The following GLS variants were observed in gnomAD, a reference collection of about 807,000 sequenced individuals.
GLS encodes glutaminase, also known as glutaminase kidney isoform, mitochondrial.
In GLS, 36 loss-of-function variants were observed where a neutral mutation model predicts 86.7. That is an observed-to-expected ratio of 0.42 (90% CI 0.32 to 0.55). The LOEUF (loss-of-function observed/expected upper bound fraction) is 0.55, where lower values mean the gene tolerates loss of function less well. Among genes scored for constraint, GLS ranks in the 20% least tolerant of loss-of-function variants. The pLI, the probability that GLS is intolerant of heterozygous loss-of-function variation, is 0.17. For missense variants in GLS, 528 were observed against 833.4 expected (o/e 0.63, Z 4.51); for synonymous variants, 317 against 305.9 (o/e 1.04, Z -0.38).
chr2:190,931,439 T>G, intron 13 of GLS, 106 bp from the exon 14 acceptor site: 2 of 503,566 alleles, frequency 4.0e-6, no homozygotes, highest in Non-Finnish European at 3.6e-6. Flanking sequence ...TAGCATGTAG[T>G]GATGATTTCT....
chr2:190,945,841 A>T (rs2124938560), intron 14 of GLS, among the ~76,000 whole-genome samples: 1 of 152,236 alleles, frequency 6.6e-6, no homozygotes, highest in Middle Eastern at 3.4e-3. Context: ...TATTTGATTT[A>T]TTCCTCTCTA....
chr2:190,893,594 A>AT (rs952037214), intron 1 of GLS, among the ~76,000 whole-genome samples: 1 of 151,876 alleles, frequency 6.6e-6, no homozygotes, highest in African/African-American at 2.4e-5. Flanking sequence ...TCCCAAATGT[A>AT]TTTTTTTTGG....
chr2:190,927,688 A>G, intron 12 of GLS: 1 of 458,720 alleles, frequency 2.2e-6, no homozygotes, highest in Middle Eastern at 5.9e-4. Flanking sequence ...TTTGATTTAT[A>G]GAACCTCATC....
intron 7 of GLS, among the ~76,000 whole-genome samples, chr2:190,915,954 T>C (rs1406495271): frequency 1.3e-5 from 2 of 152,216 alleles, no homozygotes; most frequent in African/African-American, 4.8e-5. Flanking sequence ...TGTATGACTT[T>C]TGGCATGTAA....
In GLS at chr2:190,962,678, T is replaced by C. The variant is rs967462709; in HGVS notation, c.1854-152T>C. Reference sequence around the variant, plus strand: ...ACTACTTTTTGAATTATAAATCCCTTTCTGCATTTCTATTATTAATTTTTA... The same window carrying C: ...ACTACTTTTTGAATTATAAATCCCTCTCTGCATTTCTATTATTAATTTTTA... On this transcript the variant is annotated intron_variant, in intron 17 of 17. Transcript: ENST00000320717. The surrounding 1 kb of genome is among the most constrained non-coding windows in gnomAD (Gnocchi z 4.2). 1.2e-5 allele frequency: 5 copies of C among 427,016 alleles called. No homozygotes were observed. The highest frequency in any genetic ancestry group is 4.2e-5 in the Admixed American group (1 of 23,970). 26.5% of individuals were successfully genotyped at this position (427,016 alleles called of 1,614,324 possible).
In GLS at chr2:190,961,423, C is replaced by CA. The variant is rs538898201; in HGVS notation, c.1854-1407_1854-1406insA. On this transcript the variant is annotated intron_variant, in intron 17 of 17. Coordinates refer to ENST00000320717, the MANE Select transcript of GLS (RefSeq NM_014905.5). ...TGTTGGTCATTCTGGTCTTGAACTCCTGGCCTCAAGTGGTGCACCCACCTT... is the reference window on the plus strand; with the variant it reads ...TGTTGGTCATTCTGGTCTTGAACTCCATGGCCTCAAGTGGTGCACCCACCTT... 9.8e-5 allele frequency among the ~76,000 whole-genome samples: 15 copies of CA among 152,316 alleles called. No homozygotes were observed. In the East Asian group the frequency reaches 2.9e-3, roughly 29 times the overall value.
At chr2:190,888,074 T>A (rs1326056025) in intron 1 of GLS, among the ~76,000 whole-genome samples, 1 of 152,138 alleles carries the variant, frequency 6.6e-6, no homozygotes, top group Non-Finnish European at 1.5e-5. Context: ...TTCCCCCCCA[T>A]TATAAGTGGG....
At position 190,895,595 on chromosome 2, in the gene GLS, T is replaced by A. The variant is rs1688705484; in HGVS notation, c.484-9T>A. 2 of 1,581,162 alleles carry A rather than the reference T, an allele frequency of 1.3e-6. No homozygotes were observed. The highest frequency in any genetic ancestry group is 1.7e-6 in the Non-Finnish European group (2 of 1,156,630). On this transcript the variant is annotated splice_polypyrimidine_tract_variant and intron_variant, in intron 2 of 17. Transcript: ENST00000320717. This position sits in a 1 kb window ranked among gnomAD's most constrained non-coding sequence, Gnocchi z 4.2. The stretch of plus-strand genomic sequence containing the variant: ...ATATATTTACAAACTCTTATTTTTT[T>A]AAAAACAGGCACTCAAATCTACAGG...
chr2:190,899,394 CTG>C (rs892251431), intron 3 of GLS, among the ~76,000 whole-genome samples: 2 of 151,866 alleles, frequency 1.3e-5, no homozygotes, highest in Admixed American at 6.6e-5. Flanking sequence ...TATTTTTAAA[CTG>C]TTAATTTTAT....
Position 190,910,264 on chromosome 2 carries a change from T to G in GLS, c.981T>G (p.Asp327Glu). ...TGGTATTGCTTTTATATTTTACAGA[T>G]AAACCACATAATCCTATGGTAAATG... ...RFNKLFLNED[D>E]KPHNPMVNAG... The change falls in exon 7 of 18, where the codon GAT becomes GAG. Residue 327 changes from aspartate (D) to glutamate (E), a missense_variant and splice_region_variant. Asp to Glu is a conservative substitution (Grantham distance 45). Transcript: ENST00000320717. 6.7e-7 allele frequency: 1 copy of G among 1,499,192 alleles called. No individual in the cohort carries two copies. The allele number at this position is 1,499,192 out of a possible 1,614,324, so 92.9% of individuals were successfully genotyped here.
intron 3 of GLS, among the ~76,000 whole-genome samples, chr2:190,899,198 A>C (rs905155337): frequency 2.6e-5 from 4 of 152,260 alleles, no homozygotes; most frequent in African/African-American, 9.6e-5. Context: ...AAAAATATTA[A>C]AATAATGGTA....
At chr2:190,910,397 GATT>G in intron 7 of GLS, 76 bp downstream of exon 7, 1 of 701,838 alleles carries the variant, frequency 1.4e-6, no homozygotes, top group Non-Finnish European at 2.5e-6. Flanking sequence ...ATGAATCTGG[GATT>G]ATTTATGTAG....
At chr2:190,890,678 A>G (rs1209128062) in intron 1 of GLS, among the ~76,000 whole-genome samples, 2 of 152,204 alleles carry the variant, frequency 1.3e-5, no homozygotes, top group South Asian at 4.1e-4. Flanking sequence ...TCAGCTCACT[A>G]TAAATTCAAA....
At position 190,920,622 on chromosome 2, in the gene GLS, T is replaced by A. The variant is rs1482037377; in HGVS notation, c.1039-402T>A. On this transcript the variant is annotated intron_variant, in intron 7 of 17. Transcript: ENST00000320717. The surrounding 1 kb of genome is among the most constrained non-coding windows in gnomAD (Gnocchi z 4.2). Reference sequence around the variant, plus strand: ...ATAAGTAGATTGTTCTTAATTGAAATATTTTATATATACTTAATTCTTTTC... The same window carrying A: ...ATAAGTAGATTGTTCTTAATTGAAAAATTTTATATATACTTAATTCTTTTC... Among the ~76,000 whole-genome samples the A allele has an allele frequency of 6.6e-6, 1 of 151,818 alleles. No individual in the cohort carries two copies. The highest frequency in any genetic ancestry group is 6.6e-5 in the Admixed American group (1 of 15,228).
Position 190,901,977 on chromosome 2 carries a change from T to C in GLS, c.766T>C (p.Phe256Leu). The C allele has an allele frequency of 6.2e-7, 1 of 1,611,608 alleles. No individual in the cohort carries two copies. The highest frequency in any genetic ancestry group is 8.5e-7 in the Non-Finnish European group (1 of 1,177,824). ...AGATTATATTCCTCAACTGGCCAAATTCAGTCCCGATTTGTGGGGTGTGTC... is the reference window on the plus strand; with the variant it reads ...AGATTATATTCCTCAACTGGCCAAACTCAGTCCCGATTTGTGGGGTGTGTC... ...VADYIPQLAK[F>L]SPDLWGVSVC... is the part of the protein sequence containing the mutation. Residue 256 changes from phenylalanine (F) to leucine (L), a missense_variant, in exon 5 of 18, where the codon TTC (phenylalanine) becomes CTC (leucine). Transcript: ENST00000320717.
chr2:190,897,902 G>A lies in GLS; in HGVS notation c.605+2177G>A, dbSNP rs1005234409. Among the ~76,000 whole-genome samples, 21 of 152,140 alleles carry A rather than the reference G, an allele frequency of 1.4e-4. No individual in the cohort carries two copies. Among genetic ancestry groups the A allele is most frequent in the Admixed American group, 3.9e-4 (6 of 15,280 alleles). ...GTAATCTGAGAAAACTATTATGTGT[G>A]ACTTTTTTTAACTTGGGAAAATACG... On this transcript the variant is annotated intron_variant, in intron 3 of 17. Transcript: ENST00000320717. This position sits in a 1 kb window ranked among gnomAD's most constrained non-coding sequence, Gnocchi z 4.3.
chr2:190,880,911 AGC>A lies in GLS; in HGVS notation c.-173_-172del. The A allele has an allele frequency of 1.2e-6, 1 of 856,730 alleles. No individual in the cohort carries two copies. The allele number at this position is 856,730 out of a possible 1,614,324, so 53.1% of individuals were successfully genotyped here. On this transcript the variant is annotated 5_prime_UTR_variant, in exon 1 of 18. Coordinates refer to ENST00000320717, the MANE Select transcript of GLS (RefSeq NM_014905.5). ...CAGCAGCAGCAGCAGCAGCAGCAGC[AGC>A]AGCAGCACCCGCATCCGCTGCGGGA...
At chr2:190,944,852 A>T (rs1459552663) in intron 14 of GLS, among the ~76,000 whole-genome samples, 1 of 152,166 alleles carries the variant, frequency 6.6e-6, no homozygotes. Flanking sequence ...GTCATTTGTG[A>T]TATTATCAAA....
intron 14 of GLS, among the ~76,000 whole-genome samples, chr2:190,940,727 CTTAG>C (rs538294971): frequency 4.7e-5 from 7 of 150,302 alleles, no homozygotes; most frequent in South Asian, 2.1e-4. Context: ...CCCTGTTTTA[CTTAG>C]TTAGCAAACT....
Sources: gnomAD v4.1 joint callset for allele counts (sites outside exome capture counted in the v4.1 genomes callset) on GRCh38, gnomAD v4.1.1 for gene constraint, Gnocchi (gnomAD v3.1) non-coding constraint, MANE v1.5 for transcripts, NCBI Gene and HGNC (gene_info 2026-07-23, HGNC 2026-07-21) for gene names.